DLGAP4: variants seen among roughly 807,000 people sequenced by gnomAD.
The protein encoded by DLGAP4 is disks large-associated protein 4.
In DLGAP4, 18 loss-of-function variants were observed where a neutral mutation model predicts 86.9. The ratio of observed to expected loss-of-function variants is 0.21; its 90% CI spans 0.14 to 0.31. The LOEUF is 0.31. DLGAP4 is among the 10% of genes least tolerant of loss of function. The pLI is 1.00. For missense variants in DLGAP4, 1,085 were observed against 1,362.6 expected, an observed-to-expected ratio of 0.80 and a Z score of 3.21; for synonymous variants, 548 against 574.3, an observed-to-expected ratio of 0.95 and a Z score of 0.65.
chr20:36,518,465 G>A (rs900806360), intron 10 of DLGAP4, among the ~76,000 whole-genome samples: 9 of 151,814 alleles, frequency 5.9e-5, no homozygotes, highest in African/African-American at 2.2e-4. Flanking sequence ...TCTTAAATTG[G>A]AAGCTAATTC....
rs1413003500 is a variant in DLGAP4 at position 36,447,900 on chromosome 20, G to GT, written c.1648+964dup. Among the ~76,000 whole-genome samples the GT allele has an allele frequency of 1.3e-4, 13 of 102,596 alleles. No homozygotes were observed. The East Asian group carries it at 1.3e-3, about 10-fold the overall frequency. 67.3% of individuals were successfully genotyped at this position (102,596 alleles called of 152,430 possible). On this transcript the variant is annotated intron_variant, in intron 7 of 12. Transcript: ENST00000339266. The stretch of plus-strand genomic sequence containing the variant: ...TCACACACCAGGGCCTATCAGGGGG[G>GT]TGGGGGGGGGGGAGACAAGGGGAGG...
In DLGAP4 at chr20:36,403,413, A is replaced by G. The variant is rs6017421; in HGVS notation, c.-72-28233A>G. On this transcript the variant is annotated intron_variant, in intron 2 of 12. Coordinates refer to ENST00000339266, the MANE Select transcript of DLGAP4 (RefSeq NM_001365621.2). ...GCAATTAAATTTCAACATGAGTTTTAGAGAGGACGAACAGTCAGACCATAG... is the reference window on the plus strand; with the variant it reads ...GCAATTAAATTTCAACATGAGTTTTGGAGAGGACGAACAGTCAGACCATAG... Among the ~76,000 whole-genome samples, 427 of 152,342 alleles carry G rather than the reference A, an allele frequency of 2.8e-3. 3 individuals carry two copies. Among genetic ancestry groups the G allele is most frequent in the African/African-American group, 9.9e-3 (411 of 41,582 alleles).
chr20:36,508,519 C>T (rs1482335597), intron 10 of DLGAP4, among the ~76,000 whole-genome samples: 2 of 151,180 alleles, frequency 1.3e-5, no homozygotes, highest in Admixed American at 6.6e-5. Flanking sequence ...CTCCACCTCC[C>T]GGGTTCAAGC....
intron 2 of DLGAP4, among the ~76,000 whole-genome samples, chr20:36,387,850 GATCTCTTTGTCT>G (rs2031652291): frequency 6.6e-6 from 1 of 152,166 alleles, no homozygotes; most frequent in Non-Finnish European, 1.5e-5. Flanking sequence ...CTGTTTCATT[GATCTCTTTGTCT>G]ATCTCTTTGT....
At chr20:36,442,917 G>A in intron 6 of DLGAP4, 140 bp downstream of exon 6, 2 of 1,043,550 alleles carry the variant, frequency 1.9e-6, no homozygotes, top group Non-Finnish European at 3.0e-6. Context: ...TCCAGTGGAT[G>A]GAGTTGAGGG....
intron 1 of DLGAP4, among the ~76,000 whole-genome samples, chr20:36,321,948 T>C (rs1294978928): frequency 1.3e-5 from 2 of 152,166 alleles, no homozygotes; most frequent in Non-Finnish European, 2.9e-5. Context: ...TCAACAAATA[T>C]TTGTTGAGTG....
chr20:36,461,921 C>A, intron 7 of DLGAP4: 1 of 985,040 alleles, frequency 1.0e-6, no homozygotes, highest in Non-Finnish European at 1.2e-6. Flanking sequence ...CTTCTCAGAG[C>A]GCTCTTCAGC....
At chr20:36,357,702 G>A (rs116012178) in intron 1 of DLGAP4, among the ~76,000 whole-genome samples, 17 of 152,218 alleles carry the variant, frequency 1.1e-4, no homozygotes, top group Non-Finnish European at 2.5e-4. Flanking sequence ...GAATGGTTCC[G>A]AGAAAAGAAA....
At chr20:36,373,062 G>T (rs563282535) in intron 2 of DLGAP4, among the ~76,000 whole-genome samples, 1 of 152,238 alleles carries the variant, frequency 6.6e-6, no homozygotes. Context: ...GAGATGCTCA[G>T]AAGAGTAGTC....
At chr20:36,391,196 G>C (rs903911865) in intron 2 of DLGAP4, among the ~76,000 whole-genome samples, 10 of 152,120 alleles carry the variant, frequency 6.6e-5, no homozygotes, top group Non-Finnish European at 1.3e-4. Context: ...CAGTGGCCTG[G>C]GGACCTATAG....
intron 2 of DLGAP4, among the ~76,000 whole-genome samples, chr20:36,390,125 T>C (rs1415795581): frequency 6.6e-6 from 1 of 152,228 alleles, no homozygotes; most frequent in Non-Finnish European, 1.5e-5. Flanking sequence ...GAACTTCAGC[T>C]GGGAGAAGAC....
chr20:36,442,680 G>A, intron 5 of DLGAP4, 47 bp from the exon 6 acceptor site: 1 of 1,603,826 alleles, frequency 6.2e-7, no homozygotes, highest in Non-Finnish European at 8.5e-7. Flanking sequence ...CCCCACCCCA[G>A]CCCCAGCCCT....
At chr20:36,369,984 A>C (rs1295198346) in intron 2 of DLGAP4, among the ~76,000 whole-genome samples, 2 of 152,146 alleles carry the variant, frequency 1.3e-5, no homozygotes, top group East Asian at 3.9e-4. Context: ...GGAGGAGGTG[A>C]GATGAGAAAC....
intron 2 of DLGAP4, among the ~76,000 whole-genome samples, chr20:36,420,616 T>A (rs2032795936): frequency 6.6e-6 from 1 of 152,112 alleles, no homozygotes; most frequent in Non-Finnish European, 1.5e-5. Context: ...GGTGGGCGGA[T>A]CACCTGAGCC....
chr20:36,518,515 G>T (rs370049583), intron 10 of DLGAP4, among the ~76,000 whole-genome samples: 1 of 151,910 alleles, frequency 6.6e-6, no homozygotes. Flanking sequence ...CTTTGAAGCC[G>T]ATGCATTTCT....
chr20:36,369,032 C>T (rs1237721036), intron 2 of DLGAP4, among the ~76,000 whole-genome samples: 3 of 152,180 alleles, frequency 2.0e-5, no homozygotes, highest in Admixed American at 6.5e-5. Context: ...TGACGGAGAA[C>T]GGGATTCCTT....
chr20:36,319,891 T>C (rs782084302), intron 1 of DLGAP4, among the ~76,000 whole-genome samples: 43 of 152,134 alleles, frequency 2.8e-4, no homozygotes, highest in Middle Eastern at 3.4e-3. Context: ...TGTGCCTCTG[T>C]CACAGCAAGG....
intron 1 of DLGAP4, among the ~76,000 whole-genome samples, chr20:36,310,836 A>G (rs1330958015): frequency 6.6e-6 from 1 of 152,134 alleles, no homozygotes; most frequent in Admixed American, 6.5e-5. Context: ...GGTGCTGGAG[A>G]GCAAACTCAC....
At chr20:36,368,871 G>A (rs913936646) in intron 2 of DLGAP4, among the ~76,000 whole-genome samples, 1 of 152,226 alleles carries the variant, frequency 6.6e-6, no homozygotes, top group East Asian at 1.9e-4. Flanking sequence ...AAGGTGAAGG[G>A]GGAGACTGAG....
Sources: gnomAD v4.1 joint callset for allele counts (sites outside exome capture counted in the v4.1 genomes callset) on GRCh38, gnomAD v4.1.1 for gene constraint, MANE v1.5 for transcripts, NCBI Gene and HGNC (gene_info 2026-07-23, HGNC 2026-07-21) for gene names.